Variants in RPA2 observed in about 807,000 individuals in gnomAD.
RPA2 encodes replication protein A2.
Under a neutral mutation model 33.4 loss-of-function variants are expected in RPA2, and 22 were observed. That is an observed-to-expected ratio of 0.66 (90% CI 0.47 to 0.94). The LOEUF is 0.94. Ranked by LOEUF, RPA2 falls within the 40% of genes least tolerant of loss-of-function variation. The pLI is 0.00. For missense variants in RPA2, 279 were observed against 329.9 expected (o/e 0.85, Z 1.19); for synonymous variants, 109 against 114.9 (o/e 0.95, Z 0.33).
chr1:27,904,725 C>T (rs965230174), intron 4 of RPA2, among the ~76,000 whole-genome samples: 1 of 151,828 alleles, frequency 6.6e-6, no homozygotes, highest in Non-Finnish European at 1.5e-5. Context: ...AGTGCAGTGG[C>T]GCAATCTTGG....
chr1:27,897,784 A>G, intron 4 of RPA2, 77 bp from the exon 5 acceptor site: 1 of 1,038,614 alleles, frequency 9.6e-7, no homozygotes, highest in Non-Finnish European at 1.4e-6. Flanking sequence ...TATATTATGT[A>G]TAGAAAGAGA....
In RPA2 at chr1:27,906,963, C is replaced by T. The variant is rs558257017; in HGVS notation, c.298G>A (p.Ala100Thr). 2 of 1,613,880 alleles carry T rather than the reference C, an allele frequency of 1.2e-6. No individual in the cohort carries two copies. Among genetic ancestry groups the T allele is most frequent in the East Asian group, 2.2e-5 (1 of 44,884 alleles). Reference sequence around the variant, plus strand: ...ACCCACTGGCGAACGTCCATGGGTGCAGCTGTCATGTCATCTATTTTGTAA... The same window carrying T: ...ACCCACTGGCGAACGTCCATGGGTGTAGCTGTCATGTCATCTATTTTGTAA... ...IVYKIDDMTA[A>T]PMDVRQWVDT... Residue 100 changes from alanine to threonine, a missense_variant, in exon 4 of 9, where the codon GCA becomes ACA. Physicochemically the swap from Ala to Thr is moderately conservative, Grantham distance 58. Coordinates refer to ENST00000373912, the MANE Select transcript of RPA2 (RefSeq NM_002946.5).
chr1:27,894,001 C>A lies in RPA2; in HGVS notation c.728+11G>T. 1 of 1,609,018 alleles carries A rather than the reference C, an allele frequency of 6.2e-7. No individual in the cohort carries two copies. The highest frequency in any genetic ancestry group is 8.5e-7 in the Non-Finnish European group (1 of 1,175,390). ...TGCCAGAGCCTGAGCTCATGAAAAT[C>A]AAATACTTACTTGATTGAGGATACA... On this transcript the variant is annotated intron_variant, in intron 8 of 8. Coordinates refer to ENST00000373912, the MANE Select transcript of RPA2 (RefSeq NM_002946.5).
At chr1:27,898,216 A>C (rs2089917173) in intron 4 of RPA2, among the ~76,000 whole-genome samples, 1 of 152,194 alleles carries the variant, frequency 6.6e-6, no homozygotes, top group South Asian at 2.1e-4. Context: ...TACTTTTAGG[A>C]ATTTAAGGAA....
intron 4 of RPA2, among the ~76,000 whole-genome samples, chr1:27,899,733 T>C (rs558968601): frequency 6.6e-6 from 1 of 152,138 alleles, no homozygotes; most frequent in South Asian, 2.1e-4. Flanking sequence ...CAGGCTGGAG[T>C]GCAGTGGTGG....
intron 4 of RPA2, among the ~76,000 whole-genome samples, chr1:27,904,883 T>A (rs1258222233): frequency 4.6e-5 from 7 of 152,046 alleles, no homozygotes; most frequent in Non-Finnish European, 8.8e-5. Context: ...AACTTCTGAC[T>A]TCAGGTGACC....
At chr1:27,895,408 T>TGA in intron 6 of RPA2, among the ~76,000 whole-genome samples, 1 of 126,314 alleles carries the variant, frequency 7.9e-6, no homozygotes, top group Admixed American at 8.0e-5. Context: ...AGTGACAGAG[T>TGA]GAGACACTGT....
intron 1 of RPA2, 131 bp downstream of exon 1, chr1:27,914,303 C>T: frequency 6.2e-7 from 1 of 1,607,642 alleles, no homozygotes; most frequent in African/African-American, 1.3e-5. Context: ...CTGCGGGTGA[C>T]CCCCAAACGC....
At chr1:27,909,495 G>A (rs2090071330) in intron 2 of RPA2, among the ~76,000 whole-genome samples, 2 of 152,064 alleles carry the variant, frequency 1.3e-5, no homozygotes, top group Admixed American at 6.6e-5. Context: ...ATCATTTGAG[G>A]TCAGGAGTTT....
At chr1:27,902,333 T>A (rs142315621) in intron 4 of RPA2, among the ~76,000 whole-genome samples, 1 of 150,076 alleles carries the variant, frequency 6.7e-6, no homozygotes, top group African/African-American at 2.5e-5. Flanking sequence ...CAGGCTGGAG[T>A]GCACTGGTGT....
Position 27,914,520 on chromosome 1 carries a change from G to A in RPA2, c.-77C>T, listed in dbSNP as rs1021470475. The A allele has an allele frequency of 1.6e-5, 25 of 1,599,396 alleles. No individual in the cohort carries two copies. The African/African-American group carries it at 2.1e-4, about 14-fold the overall frequency. ...TAGCGGAAAACCACAGAACGCGGCC[G>A]CCACTGCGCCGCTCTGGCTACTTTT... is the stretch of plus-strand genomic sequence containing the variant. On this transcript the variant is annotated 5_prime_UTR_variant, in exon 1 of 9. Coordinates refer to ENST00000373912, the MANE Select transcript of RPA2 (RefSeq NM_002946.5).
At chr1:27,914,629 A>C (rs1262604549), upstream of RPA2, 2 of 1,613,828 alleles carry the variant, frequency 1.2e-6, no homozygotes, top group African/African-American at 2.7e-5. Context: ...GTGCTCACGG[A>C]TGCTACGCTT....
rs28905175 is a variant in RPA2 at position 27,898,754 on chromosome 1, T to TC, written c.334-1048dup. ...TTGTATCTTTAGTAGAGACGGGGTT[T>TC]CCCCATGTTGGCCAGGATGGTCTCG... On this transcript the variant is annotated intron_variant, in intron 4 of 8. Coordinates refer to ENST00000373912, the MANE Select transcript of RPA2 (RefSeq NM_002946.5). 4.9e-3 allele frequency among the ~76,000 whole-genome samples: 740 copies of TC among 152,156 alleles called. 4 individuals are homozygous for TC. Among genetic ancestry groups the TC allele is most frequent in the Non-Finnish European group, 8.0e-3 (544 of 68,002 alleles).
intron 4 of RPA2, among the ~76,000 whole-genome samples, chr1:27,899,262 T>A (rs917197090): frequency 5.9e-5 from 9 of 151,726 alleles, no homozygotes; most frequent in Non-Finnish European, 1.3e-4. Flanking sequence ...TAATCCCAGC[T>A]CTTTGGGAGG....
At chr1:27,894,915 A>G (rs2089870648) in intron 6 of RPA2, among the ~76,000 whole-genome samples, 1 of 152,030 alleles carries the variant, frequency 6.6e-6, no homozygotes, top group South Asian at 2.1e-4. Flanking sequence ...CCCCCAGTAC[A>G]CCTCTGAAAC....
intron 6 of RPA2, 107 bp downstream of exon 6, chr1:27,896,898 T>C: frequency 1.4e-6 from 1 of 729,210 alleles, no homozygotes; most frequent in East Asian, 2.6e-5. Flanking sequence ...TAGTGATGTC[T>C]TTCTCTGGCT....
chr1:27,899,698 TGA>T (rs1222203422), intron 4 of RPA2, among the ~76,000 whole-genome samples: 2 of 152,014 alleles, frequency 1.3e-5, no homozygotes, highest in Non-Finnish European at 2.9e-5. Flanking sequence ...TCTTTTTTTT[TGA>T]GACAGAGTCT....
intron 4 of RPA2, among the ~76,000 whole-genome samples, chr1:27,904,982 T>C (rs1018955260): frequency 4.6e-5 from 7 of 152,156 alleles, no homozygotes; most frequent in Admixed American, 2.0e-4. Context: ...AAATTTTCTG[T>C]AATGAATGTA....
At chr1:27,907,569 G>C (rs1408111679) in intron 2 of RPA2, among the ~76,000 whole-genome samples, 2 of 152,174 alleles carry the variant, frequency 1.3e-5, no homozygotes, top group East Asian at 3.8e-4. Flanking sequence ...GACAGGATAA[G>C]GAAGAATGAC....
Sources: gnomAD v4.1 joint callset for allele counts (sites outside exome capture counted in the v4.1 genomes callset) on GRCh38, gnomAD v4.1.1 for gene constraint, MANE v1.5 for transcripts, NCBI Gene and HGNC (gene_info 2026-07-23, HGNC 2026-07-21) for gene names.